The following ENOX1 variants were observed in gnomAD, a reference collection of about 807,000 sequenced individuals.
ENOX1 encodes candidate growth-related and time keeping constitutive hydroquinone (NADH) oxidase.
A neutral mutation model predicts 82.5 loss-of-function variants in ENOX1; 42 were observed. That is an observed-to-expected ratio of 0.51 (90% CI 0.40 to 0.66). The LOEUF is 0.66. Among genes scored for constraint, ENOX1 ranks in the 30% least tolerant of loss-of-function variants. The probability of loss-of-function intolerance (pLI) is 0.00; values close to 1 mark genes in which losing one functional copy is unlikely to be tolerated. For synonymous variants in ENOX1, 271 were observed against 282.2 expected (o/e 0.96, Z 0.40); for missense variants, 608 against 811.6 (o/e 0.75, Z 3.05).
At chr13:43,380,482 GCAGA>G (rs1433380602) in intron 5 of ENOX1, among the ~76,000 whole-genome samples, 1 of 151,496 alleles carries the variant, frequency 6.6e-6, no homozygotes, top group Non-Finnish European at 1.5e-5. Context: ...CCAAAAGGTG[GCAGA>G]CAAATAGAAA....
At chr13:43,221,643 CA>C (rs2041796223) in intron 16 of ENOX1, among the ~76,000 whole-genome samples, 1 of 152,130 alleles carries the variant, frequency 6.6e-6, no homozygotes, top group Non-Finnish European at 1.5e-5. Context: ...TGCAAATATG[CA>C]AATATCAACA....
chr13:43,350,435 T>C (rs1480576080), intron 8 of ENOX1, among the ~76,000 whole-genome samples: 1 of 152,026 alleles, frequency 6.6e-6, no homozygotes, highest in Non-Finnish European at 1.5e-5. Flanking sequence ...ATAAACCAAA[T>C]TGGTAAGTGT....
At chr13:43,595,408 T>C (rs2081420839) in intron 2 of ENOX1, among the ~76,000 whole-genome samples, 1 of 152,118 alleles carries the variant, frequency 6.6e-6, no homozygotes, top group Non-Finnish European at 1.5e-5. Flanking sequence ...CCAATGAACA[T>C]TTTATTTCTT....
intron 2 of ENOX1, among the ~76,000 whole-genome samples, chr13:43,516,508 G>C (rs2077566315): frequency 6.6e-6 from 1 of 152,120 alleles, no homozygotes; most frequent in African/African-American, 2.4e-5. Flanking sequence ...CAAGGATTTT[G>C]AGAACTCTGC....
intron 2 of ENOX1, among the ~76,000 whole-genome samples, chr13:43,579,162 A>G (rs1006077149): frequency 1.3e-5 from 2 of 152,158 alleles, no homozygotes; most frequent in South Asian, 4.1e-4. Flanking sequence ...GGACCTACTA[A>G]GCACACATTA....
intron 12 of ENOX1, among the ~76,000 whole-genome samples, chr13:43,290,146 C>T (rs2045918433): frequency 6.6e-6 from 1 of 152,144 alleles, no homozygotes; most frequent in African/African-American, 2.4e-5. Flanking sequence ...TTAGTAAAGC[C>T]ACTGTGGAAA....
intron 2 of ENOX1, among the ~76,000 whole-genome samples, chr13:43,509,090 T>C (rs1323201537): frequency 2.0e-5 from 3 of 152,034 alleles, no homozygotes; most frequent in Non-Finnish European, 4.4e-5. Context: ...CAAATAGCAA[T>C]GTCTTCTACA....
chr13:43,311,061 C>T (rs2047173101), intron 11 of ENOX1, among the ~76,000 whole-genome samples: 2 of 151,964 alleles, frequency 1.3e-5, no homozygotes, highest in Admixed American at 6.6e-5. Context: ...GGGGAGGGGG[C>T]ACCACACACA....
chr13:43,521,616 AAGTAAG>A (rs1482878564), intron 2 of ENOX1, among the ~76,000 whole-genome samples: 9 of 152,286 alleles, frequency 5.9e-5, no homozygotes, highest in South Asian at 2.1e-4. Context: ...TCCCCCTAAA[AAGTAAG>A]AGATATAAAA....
intron 5 of ENOX1, among the ~76,000 whole-genome samples, chr13:43,398,761 C>T (rs1020050819): frequency 6.6e-6 from 1 of 150,794 alleles, no homozygotes; most frequent in African/African-American, 2.4e-5. Context: ...TCCACTTCTG[C>T]TTGATGAATA....
intron 1 of ENOX1, among the ~76,000 whole-genome samples, chr13:43,753,475 T>G (rs112445523): frequency 0.015 from 2,263 of 152,278 alleles, 50 homozygotes; most frequent in African/African-American, 0.05. Context: ...TGCTGGTATA[T>G]AGTAACACAA....
Position 43,392,098 on chromosome 13 carries a change from A to C in ENOX1, c.208+19818T>G, listed in dbSNP as rs947165249. 2.5e-4 allele frequency among the ~76,000 whole-genome samples: 25 copies of C among 100,946 alleles called. 1 individual carries two copies. The highest frequency in any genetic ancestry group is 6.3e-5 in the Non-Finnish European group (2 of 31,994). The allele number at this position is 100,946 out of a possible 152,430, so 66.2% of individuals were successfully genotyped here. ...CAGAGCTGGCTCCTTCTCATACCTC[A>C]GAATCTCAGTTTAAATTTAGTCTCC... On this transcript the variant is annotated intron_variant, in intron 5 of 16. Coordinates refer to ENST00000690772, the MANE Select transcript of ENOX1 (RefSeq NM_001347969.2).
At chr13:43,217,965 G>T (rs572224471) in intron 16 of ENOX1, among the ~76,000 whole-genome samples, 2 of 152,264 alleles carry the variant, frequency 1.3e-5, no homozygotes, top group East Asian at 1.9e-4. Flanking sequence ...TGTGTGCCAG[G>T]TACTGTTCTG....
In ENOX1 at chr13:43,330,965, G is replaced by A. The variant is rs147975709; in HGVS notation, c.1037-4440C>T. Among the ~76,000 whole-genome samples the A allele has an allele frequency of 2.3e-3, 350 of 152,278 alleles. 3 individuals carry two copies. Among genetic ancestry groups the A allele is most frequent in the East Asian group, 6.9e-3 (36 of 5,190 alleles). ...CCCAAAATGTTTGGACATTTGCTGAGTTTAGAGCACACTTCTTACTGATAG... is the reference window on the plus strand; with the variant it reads ...CCCAAAATGTTTGGACATTTGCTGAATTTAGAGCACACTTCTTACTGATAG... On this transcript the variant is annotated intron_variant, in intron 9 of 16. Transcript: ENST00000690772.
chr13:43,723,468 C>A (rs1010600248), intron 1 of ENOX1, among the ~76,000 whole-genome samples: 1 of 152,172 alleles, frequency 6.6e-6, no homozygotes, highest in Non-Finnish European at 1.5e-5. Flanking sequence ...GACATCACCA[C>A]AAATTTCAAC....
At chr13:43,781,146 T>C (rs906600482) in intron 1 of ENOX1, among the ~76,000 whole-genome samples, 3 of 152,230 alleles carry the variant, frequency 2.0e-5, no homozygotes, top group African/African-American at 7.2e-5. Context: ...GTTGGCTATT[T>C]TGGCTTAAAA....
intron 2 of ENOX1, among the ~76,000 whole-genome samples, chr13:43,488,196 G>C (rs954208002): frequency 2.6e-5 from 4 of 152,224 alleles, no homozygotes; most frequent in African/African-American, 9.7e-5. Flanking sequence ...CAATGTGATA[G>C]TGTGAAGAGG....
intron 7 of ENOX1, chr13:43,359,600 C>T (rs1362093220): frequency 4.0e-6 from 2 of 501,832 alleles, no homozygotes; most frequent in African/African-American, 3.9e-5. Flanking sequence ...CTAATAAGCA[C>T]TTGAGAACAT....
chr13:43,285,804 C>T (rs2045661388), intron 12 of ENOX1, among the ~76,000 whole-genome samples: 1 of 108,946 alleles, frequency 9.2e-6, no homozygotes, highest in Non-Finnish European at 1.8e-5. Flanking sequence ...GAGTGAGACT[C>T]TGTCTCAAAA....
Sources: allele counts gnomAD v4.1 joint callset (sites outside exome capture counted in the v4.1 genomes callset), GRCh38; gene constraint gnomAD v4.1.1; transcripts MANE v1.5; gene names NCBI Gene and HGNC (gene_info 2026-07-23, HGNC 2026-07-21).